The following ABCA13 variants were observed in gnomAD, a reference collection of about 807,000 sequenced individuals.
The protein encoded by ABCA13 is ATP-binding cassette sub-family A member 13.
ABCA13 carries 476 observed loss-of-function variants against 478.7 expected under a neutral mutation model. The observed-to-expected ratio is 0.99, with a 90% CI of 0.92 to 1.07. The LOEUF (loss-of-function observed/expected upper bound fraction) is 1.07, where lower values mean the gene tolerates loss of function less well. Ranked by LOEUF, ABCA13 falls within the 50% of genes least tolerant of loss-of-function variation. ABCA13 has a pLI of 0.00. For synonymous variants in ABCA13, 2,252 were observed against 2,158.9 expected (o/e 1.04, Z -1.20); for missense variants, 6,060 against 5,910.6 (o/e 1.03, Z -0.83).
rs535092664 is a variant in ABCA13 at position 48,585,521 on chromosome 7, G to A, written c.14506-1633G>A. On this transcript the variant is annotated intron_variant, in intron 56 of 61. Coordinates refer to ENST00000435803, the MANE Select transcript of ABCA13 (RefSeq NM_152701.5). ...CATATTTTGAAGTTGCACAAGTAAA[G>A]CCATATAATAATTTCTGTTGAAAGA... 4.6e-5 allele frequency among the ~76,000 whole-genome samples: 7 copies of A among 152,204 alleles called. No homozygotes were observed. The South Asian group carries it at 1.0e-3, about 23-fold the overall frequency.
chr7:48,258,220 G>T (rs1793678657), intron 15 of ABCA13, among the ~76,000 whole-genome samples: 1 of 152,074 alleles, frequency 6.6e-6, no homozygotes, highest in Non-Finnish European at 1.5e-5. Flanking sequence ...TACTATGCCT[G>T]ACCTTTTTGG....
rs1791949849 is a variant in ABCA13, at chr7:48,247,946, G to A, written c.1660-293G>A. ...GTACTGAGAGTGAGACTCTCAGGGGGTCTGGTTCACAGGCTACTTGTTGCA... is the reference window on the plus strand; with the variant it reads ...GTACTGAGAGTGAGACTCTCAGGGGATCTGGTTCACAGGCTACTTGTTGCA... On this transcript the variant is annotated intron_variant, in intron 13 of 61. Coordinates refer to ENST00000435803, the MANE Select transcript of ABCA13 (RefSeq NM_152701.5). Among the ~76,000 whole-genome samples the A allele has an allele frequency of 2.0e-5, 3 of 152,176 alleles. No individual in the cohort carries two copies. In the South Asian group the frequency reaches 6.2e-4, roughly 31 times the overall value.
intron 42 of ABCA13, among the ~76,000 whole-genome samples, chr7:48,446,096 T>C (rs1824262377): frequency 1.3e-5 from 2 of 152,174 alleles, no homozygotes; most frequent in South Asian, 4.1e-4. Flanking sequence ...GAATGTAGTT[T>C]TAAGAGAAGG....
intron 55 of ABCA13, among the ~76,000 whole-genome samples, chr7:48,557,323 A>T (rs911874613): frequency 1.3e-5 from 2 of 152,114 alleles, no homozygotes; most frequent in Non-Finnish European, 2.9e-5. Context: ...CTTATTGCTC[A>T]TGAACAACCT....
chr7:48,612,964 A>C (rs1288341293), intron 58 of ABCA13, among the ~76,000 whole-genome samples: 1 of 152,134 alleles, frequency 6.6e-6, no homozygotes, highest in African/African-American at 2.4e-5. Context: ...ACACATGAAC[A>C]CTTTTCCAGC....
intron 56 of ABCA13, among the ~76,000 whole-genome samples, chr7:48,585,202 T>C (rs867209129): frequency 4.6e-5 from 7 of 152,302 alleles, no homozygotes; most frequent in African/African-American, 1.7e-4. Context: ...GAATAAAACG[T>C]TTTGTTTTGA....
intron 48 of ABCA13, among the ~76,000 whole-genome samples, chr7:48,503,666 T>C (rs1830950039): frequency 6.6e-6 from 1 of 152,238 alleles, no homozygotes; most frequent in Non-Finnish European, 1.5e-5. Context: ...TGAATATCTA[T>C]CTTATATTTT....
intron 55 of ABCA13, among the ~76,000 whole-genome samples, chr7:48,548,766 G>C (rs1288522397): frequency 6.6e-6 from 1 of 151,732 alleles, no homozygotes; most frequent in East Asian, 1.9e-4. Context: ...GCCACCATGA[G>C]CAATGTGCAG....
At chr7:48,439,865 G>A (rs994645586) in intron 42 of ABCA13, among the ~76,000 whole-genome samples, 1 of 152,002 alleles carries the variant, frequency 6.6e-6, no homozygotes, top group African/African-American at 2.4e-5. Context: ...TTTAATTGTG[G>A]GAGTGACAGT....
In ABCA13 at chr7:48,278,722, G is replaced by T; in HGVS notation, c.7528G>T (p.Ala2510Ser). The change falls in exon 18 of 62, where the codon GCT (alanine) becomes TCT (serine). Residue 2510 changes from alanine (A) to serine (S), a missense_variant. Physicochemically the swap from Ala to Ser is moderately conservative, Grantham distance 99 (BLOSUM62 1). Coordinates refer to ENST00000435803, the MANE Select transcript of ABCA13 (RefSeq NM_152701.5). ...GTLVMLLNDS[A>S]DLRDLATSMD... ...TCTGGTCATGCTGTTGAATGACAGT[G>T]CTGACCTGAGAGATCTTGCCACATC... 6.2e-7 allele frequency: 1 copy of T among 1,613,948 alleles called. No homozygotes were observed. Among genetic ancestry groups the T allele is most frequent in the Non-Finnish European group, 8.5e-7 (1 of 1,179,882 alleles).
chr7:48,616,743 G>A (rs559823792), intron 59 of ABCA13, among the ~76,000 whole-genome samples: 129 of 152,250 alleles, frequency 8.5e-4, no homozygotes, highest in Non-Finnish European at 1.6e-3. Context: ...ATTTGTGGCC[G>A]GGTATGGTGG....
At chr7:48,475,006 T>C (rs1014615052) in intron 45 of ABCA13, among the ~76,000 whole-genome samples, 3 of 152,210 alleles carry the variant, frequency 2.0e-5, no homozygotes, top group Admixed American at 1.3e-4. Context: ...GATAAAGCAG[T>C]ATTAAGCAGG....
chr7:48,405,936 G>C lies in ABCA13; in HGVS notation c.12070+2057G>C, dbSNP rs140779771. Among the ~76,000 whole-genome samples the C allele has an allele frequency of 1.5e-3, 233 of 152,266 alleles. 1 individual carries two copies. The highest frequency in any genetic ancestry group is 5.5e-3 in the African/African-American group (228 of 41,570). On this transcript the variant is annotated intron_variant, in intron 39 of 61. Transcript: ENST00000435803. ...CAATAGTATGTAAGCGATTAGATAG[G>C]CGGTATTGGAAGAAAAATGTGTTTT...
intron 48 of ABCA13, among the ~76,000 whole-genome samples, chr7:48,492,551 T>A (rs995328455): frequency 2.0e-5 from 3 of 152,154 alleles, no homozygotes; most frequent in Non-Finnish European, 4.4e-5. Context: ...GGAAACTTGG[T>A]CCGCAGTGTA....
Position 48,376,443 on chromosome 7 carries a change from A to G in ABCA13, c.11206A>G (p.Ile3736Val). The G allele has an allele frequency of 6.2e-7, 1 of 1,613,090 alleles. No homozygotes were observed. The highest frequency in any genetic ancestry group is 8.5e-7 in the Non-Finnish European group (1 of 1,179,602). Reference sequence around the variant, plus strand: ...TCTGACCTTTTTCTTCCTGCTAGGGATTCAATGGAATAATATGTACCAGGC... The same window carrying G: ...TCTGACCTTTTTCTTCCTGCTAGGGGTTCAATGGAATAATATGTACCAGGC... Reference protein sequence around the residue: ...ITFLEGQETGIQWNNMYQALE... With the variant: ...ITFLEGQETGVQWNNMYQALE... Residue 3736 changes from isoleucine to valine, a missense_variant and splice_region_variant, in exon 35 of 62, where the codon ATT becomes GTT. Transcript: ENST00000435803.
chr7:48,285,501 T>C (rs569189533), intron 19 of ABCA13, among the ~76,000 whole-genome samples: 121 of 152,310 alleles, frequency 7.9e-4, no homozygotes, highest in Admixed American at 2.4e-3. Flanking sequence ...ACGTGTTAGA[T>C]GTGAGGCACA....
intron 32 of ABCA13, among the ~76,000 whole-genome samples, chr7:48,370,116 G>T (rs1812403205): frequency 6.6e-6 from 1 of 151,988 alleles, no homozygotes; most frequent in African/African-American, 2.4e-5. Flanking sequence ...TCCTTGTTTA[G>T]GTATATTCCT....
chr7:48,466,560 C>T (rs1826894758), intron 43 of ABCA13, among the ~76,000 whole-genome samples: 1 of 152,132 alleles, frequency 6.6e-6, no homozygotes, highest in African/African-American at 2.4e-5. Flanking sequence ...ACTGGAGCTC[C>T]AACTTTAAGA....
At chr7:48,314,950 C>T (rs1802351433) in intron 26 of ABCA13, among the ~76,000 whole-genome samples, 1 of 152,128 alleles carries the variant, frequency 6.6e-6, no homozygotes, top group Admixed American at 6.5e-5. Flanking sequence ...CAAATGAATG[C>T]AAATTAATAC....
Sources: gnomAD v4.1 joint callset for allele counts (sites outside exome capture counted in the v4.1 genomes callset) on GRCh38, gnomAD v4.1.1 for gene constraint, MANE v1.5 for transcripts, NCBI Gene and HGNC (gene_info 2026-07-23, HGNC 2026-07-21) for gene names.